SHANK2: variants seen among roughly 807,000 people sequenced by gnomAD.
SHANK2 encodes SH3 and multiple ankyrin repeat domains 2, also known as SH3 and multiple ankyrin repeat domains protein 2.
Under a neutral mutation model 133.7 loss-of-function variants are expected in SHANK2, and 43 were observed. That is an observed-to-expected ratio of 0.32 (90% CI 0.25 to 0.41). The LOEUF (loss-of-function observed/expected upper bound fraction) is 0.41. Ranked by LOEUF, SHANK2 falls within the 10% of genes least tolerant of loss-of-function variation. SHANK2 has a pLI of 1.00. For synonymous variants in SHANK2, 1,017 were observed against 952.8 expected, an observed-to-expected ratio of 1.07 and a Z score of -1.24; for missense variants, 1,994 against 2,235.8, an observed-to-expected ratio of 0.89 and a Z score of 2.18.
chr11:70,746,501 G>T (rs1555036125), intron 14 of SHANK2, among the ~76,000 whole-genome samples: 4 of 150,902 alleles, frequency 2.7e-5, no homozygotes, highest in African/African-American at 4.9e-5. Context: ...GGCGGGGGAT[G>T]CGGGGTGCCC....
At chr11:71,150,924 T>G (rs1555107936) in intron 2 of SHANK2, among the ~76,000 whole-genome samples, 1 of 152,072 alleles carries the variant, frequency 6.6e-6, no homozygotes, top group Non-Finnish European at 1.5e-5. Context: ...ACTTAGGAGT[T>G]TTCACACAAC....
chr11:70,713,140 G>C (rs1477643589), intron 14 of SHANK2, among the ~76,000 whole-genome samples: 1 of 152,240 alleles, frequency 6.6e-6, no homozygotes, highest in African/African-American at 2.4e-5. Flanking sequence ...GCACGTGCCA[G>C]TGGGTCCTCA....
chr11:71,252,200 G>A lies in SHANK2; in HGVS notation c.-113+225C>T, dbSNP rs887022010. On this transcript the variant is annotated intron_variant, in intron 1 of 25. Coordinates refer to ENST00000601538, the MANE Select transcript of SHANK2 (RefSeq NM_012309.5). The surrounding 1 kb of genome is among the most constrained non-coding windows in gnomAD (Gnocchi z 6.3). Reference sequence around the variant, plus strand: ...CTGCCCGGGAAGAAAGGCATGCAGGGGGAAGGGCTCTCTACGGAAAATCGA... The same window carrying A: ...CTGCCCGGGAAGAAAGGCATGCAGGAGGAAGGGCTCTCTACGGAAAATCGA... 8.5e-5 allele frequency among the ~76,000 whole-genome samples: 13 copies of A among 152,156 alleles called. No homozygotes were observed. The highest frequency in any genetic ancestry group is 5.9e-4 in the Admixed American group (9 of 15,288).
intron 14 of SHANK2, among the ~76,000 whole-genome samples, chr11:70,757,871 G>A (rs967727850): frequency 6.6e-6 from 1 of 152,176 alleles, no homozygotes; most frequent in Non-Finnish European, 1.5e-5. Flanking sequence ...AATGACCCCA[G>A]ACCAGGAGGC....
chr11:71,158,860 G>A (rs1287186524), intron 2 of SHANK2, among the ~76,000 whole-genome samples: 6 of 152,198 alleles, frequency 3.9e-5, no homozygotes, highest in African/African-American at 7.2e-5. Context: ...CTATGAGGCT[G>A]ACACTAGCAG....
chr11:70,626,286 C>T (rs2060904574), intron 17 of SHANK2, among the ~76,000 whole-genome samples: 1 of 152,194 alleles, frequency 6.6e-6, no homozygotes, highest in Admixed American at 6.5e-5. Context: ...TTAGCATGCA[C>T]TCTATATTTA....
At chr11:70,944,830 G>T (rs1305194275) in intron 10 of SHANK2, among the ~76,000 whole-genome samples, 1 of 152,102 alleles carries the variant, frequency 6.6e-6, no homozygotes, top group African/African-American at 2.4e-5. Context: ...TGATTCCAGG[G>T]CTCTCTTCCG....
chr11:70,935,460 G>A (rs192722828), intron 10 of SHANK2, among the ~76,000 whole-genome samples: 5 of 152,216 alleles, frequency 3.3e-5, no homozygotes, highest in Admixed American at 1.3e-4. Flanking sequence ...GAAAGGGAGA[G>A]TGACAGCCAA....
chr11:70,855,928 T>G (rs1264349106), intron 11 of SHANK2, among the ~76,000 whole-genome samples: 1 of 151,970 alleles, frequency 6.6e-6, no homozygotes, highest in African/African-American at 2.4e-5. Context: ...GATGAATGCA[T>G]GGATAGAGAG....
intron 9 of SHANK2, among the ~76,000 whole-genome samples, chr11:71,058,641 C>T (rs887614251): frequency 8.5e-5 from 13 of 152,232 alleles, no homozygotes; most frequent in African/African-American, 1.4e-4. Context: ...AGGGCCTCAG[C>T]GCAGGTCACA....
chr11:70,559,148 C>T (rs372268388), intron 17 of SHANK2, among the ~76,000 whole-genome samples: 11 of 151,972 alleles, frequency 7.2e-5, no homozygotes, highest in Admixed American at 3.3e-4. Context: ...CCTCCTGAGT[C>T]GCTGGGATTA....
chr11:70,911,058 G>T (rs781974023), intron 10 of SHANK2: 3 of 456,880 alleles, frequency 6.6e-6, no homozygotes, highest in South Asian at 4.6e-5. Context: ...TCAGAAGATC[G>T]GCATTCACCC....
chr11:71,126,359 T>C (rs1555102670), intron 3 of SHANK2, among the ~76,000 whole-genome samples: 1 of 152,124 alleles, frequency 6.6e-6, no homozygotes, highest in East Asian at 1.9e-4. Flanking sequence ...TGAGACCTAA[T>C]GCTCAGAAAA....
Position 71,114,776 on chromosome 11 carries a change from C to T in SHANK2, c.412-1412G>A, listed in dbSNP as rs180818761. Among the ~76,000 whole-genome samples the T allele has an allele frequency of 2.0e-5, 3 of 152,284 alleles. 1 individual carries two copies. Among genetic ancestry groups the T allele is most frequent in the Admixed American group, 2.0e-4 (3 of 15,302 alleles). ...ACACCTCTGGTCCAGATTTCAGAAGCCACTGAGAATGATGCCAGGTGCCTT... is the reference window on the plus strand; with the variant it reads ...ACACCTCTGGTCCAGATTTCAGAAGTCACTGAGAATGATGCCAGGTGCCTT... On this transcript the variant is annotated intron_variant, in intron 4 of 25. Transcript: ENST00000601538.
chr11:71,105,951 A>C (rs782376610), intron 6 of SHANK2, among the ~76,000 whole-genome samples: 4 of 152,208 alleles, frequency 2.6e-5, no homozygotes, highest in Non-Finnish European at 5.9e-5. Context: ...GTACTTGAGG[A>C]TCACTACTGG....
rs1178343660 is a variant in SHANK2, at chr11:70,849,518, C to T, written c.1175-28836G>A. On this transcript the variant is annotated intron_variant, in intron 11 of 25. Coordinates refer to ENST00000601538, the MANE Select transcript of SHANK2 (RefSeq NM_012309.5). ...AGTGGGTGCCTGGGCTCAGGGTGGACCCCAGAGCCAACTGTACTAGAGCAT... is the reference window on the plus strand; with the variant it reads ...AGTGGGTGCCTGGGCTCAGGGTGGATCCCAGAGCCAACTGTACTAGAGCAT... 5.3e-5 allele frequency among the ~76,000 whole-genome samples: 8 copies of T among 152,124 alleles called. No individual in the cohort carries two copies. The South Asian group carries it at 6.2e-4, about 12-fold the overall frequency.
chr11:70,499,159 T>C (rs897455294), intron 21 of SHANK2, among the ~76,000 whole-genome samples: 2 of 152,258 alleles, frequency 1.3e-5, no homozygotes, highest in South Asian at 2.1e-4. Context: ...ATGTGCGCCA[T>C]GGGATGCCCT....
chr11:70,770,143 G>T (rs1042859133), intron 14 of SHANK2, among the ~76,000 whole-genome samples: 7 of 152,204 alleles, frequency 4.6e-5, no homozygotes, highest in Non-Finnish European at 7.3e-5. Context: ...TGAGTATGTG[G>T]GTCAGATAAA....
intron 11 of SHANK2, among the ~76,000 whole-genome samples, chr11:70,881,247 A>G (rs1399614061): frequency 2.6e-5 from 4 of 152,016 alleles, no homozygotes; most frequent in African/African-American, 9.7e-5. Context: ...AAGTCTCACC[A>G]TCTCACCCAG....
Sources: gnomAD v4.1 joint callset for allele counts (sites outside exome capture counted in the v4.1 genomes callset) on GRCh38, gnomAD v4.1.1 for gene constraint, Gnocchi (gnomAD v3.1) non-coding constraint, MANE v1.5 for transcripts, NCBI Gene and HGNC (gene_info 2026-07-23, HGNC 2026-07-21) for gene names.